Variants in CALD1 observed in about 807,000 individuals in gnomAD.
The protein encoded by CALD1 is caldesmon 1, also known as caldesmon.
In CALD1, 33 loss-of-function variants were observed where a neutral mutation model predicts 99.9. The observed-to-expected ratio is 0.33, with a 90% CI of 0.25 to 0.44. The LOEUF (loss-of-function observed/expected upper bound fraction) is 0.44, where lower values mean the gene tolerates loss of function less well. CALD1 is among the 20% of genes least tolerant of loss of function. The pLI, the probability that CALD1 is intolerant of heterozygous loss-of-function variation, is 1.00. For missense variants in CALD1, 861 were observed against 962.1 expected (o/e 0.89, Z 1.39); for synonymous variants, 310 against 325.0 (o/e 0.95, Z 0.50).
intron 4 of CALD1, among the ~76,000 whole-genome samples, chr7:134,929,614 A>G (rs963904047): frequency 1.4e-4 from 3 of 21,890 alleles, no homozygotes; most frequent in African/African-American, 3.2e-4. Flanking sequence ...TGGTGTGTGT[A>G]TATATACGTG....
At chr7:134,839,300 C>A (rs905546665) in intron 1 of CALD1, among the ~76,000 whole-genome samples, 1 of 152,168 alleles carries the variant, frequency 6.6e-6, no homozygotes, top group African/African-American at 2.4e-5. Context: ...CACAATTTAT[C>A]CATTTTGCTG....
In CALD1 at chr7:134,933,674, C is replaced by T. The variant is rs969359460; in HGVS notation, c.905C>T (p.Ala302Val). ...RARIEAEEKA[A>V]AQERERREAE... is the part of the protein sequence containing the mutation. The stretch of plus-strand genomic sequence containing the variant: ...AGAATTGAAGCAGAAGAAAAAGCAG[C>T]TGCCCAAGAAAGAGAAAGGAGAGAG... Residue 302 changes from alanine to valine, a missense_variant, in exon 5 of 15, where the codon GCT (alanine) becomes GTT (valine). Ala to Val is a moderately conservative substitution (Grantham distance 64). Around this residue, in one of 5 missense-constraint regions of CALD1, gnomAD observed 234 missense variants for 233.1 expected, o/e 1.00. Transcript: ENST00000361675. The T allele has an allele frequency of 6.3e-7, 1 of 1,595,164 alleles. No homozygotes were observed. Among genetic ancestry groups the T allele is most frequent in the Admixed American group, 1.8e-5 (1 of 56,742 alleles).
At chr7:134,815,908 A>G (rs867385757) in intron 1 of CALD1, among the ~76,000 whole-genome samples, 5 of 152,346 alleles carry the variant, frequency 3.3e-5, no homozygotes, top group African/African-American at 7.2e-5. Flanking sequence ...TCGAACTGGC[A>G]TATATCCCCT....
At chr7:134,836,257 T>C (rs1239360991) in intron 1 of CALD1, among the ~76,000 whole-genome samples, 3 of 152,148 alleles carry the variant, frequency 2.0e-5, no homozygotes, top group East Asian at 1.9e-4. Context: ...ATCTTCATAG[T>C]TGCTTCTGTT....
chr7:134,888,962 G>T (rs941399265), intron 3 of CALD1, among the ~76,000 whole-genome samples: 1 of 149,574 alleles, frequency 6.7e-6, no homozygotes, highest in African/African-American at 2.5e-5. Context: ...GAGAATACTG[G>T]CCAGAAAGAA....
chr7:134,805,608 G>A (rs1798105993), intron 1 of CALD1, among the ~76,000 whole-genome samples: 1 of 152,054 alleles, frequency 6.6e-6, no homozygotes, highest in South Asian at 2.1e-4. Context: ...TCAGAATCCT[G>A]GTGATCCTTG....
intron 2 of CALD1, among the ~76,000 whole-genome samples, chr7:134,859,530 T>G (rs1359990691): frequency 4.6e-5 from 7 of 152,184 alleles, no homozygotes; most frequent in Non-Finnish European, 7.3e-5. Flanking sequence ...GTCCCAAATT[T>G]TCACTTCTCT....
intron 3 of CALD1, among the ~76,000 whole-genome samples, chr7:134,912,462 C>T (rs1046839205): frequency 3.3e-5 from 5 of 152,172 alleles, no homozygotes; most frequent in African/African-American, 7.2e-5. Flanking sequence ...CACTTACACA[C>T]GGAGAGGACA....
At chr7:134,966,563 G>A (rs1808695828) in intron 14 of CALD1, among the ~76,000 whole-genome samples, 1 of 152,138 alleles carries the variant, frequency 6.6e-6, no homozygotes, top group Non-Finnish European at 1.5e-5. Flanking sequence ...TTTTGCAGCT[G>A]AGAAAAATGA....
chr7:134,903,558 T>C (rs548624311), intron 3 of CALD1, among the ~76,000 whole-genome samples: 1 of 152,172 alleles, frequency 6.6e-6, no homozygotes, highest in Admixed American at 6.5e-5. Flanking sequence ...TCACTTCTGG[T>C]GGTTTGGCAG....
intron 1 of CALD1, among the ~76,000 whole-genome samples, chr7:134,821,544 T>C (rs927730774): frequency 3.9e-5 from 6 of 151,972 alleles, no homozygotes; most frequent in Admixed American, 1.3e-4. Flanking sequence ...TAATGTTCTT[T>C]ATACTTTTTT....
chr7:134,769,340 C>T (rs373739859), intron 1 of CALD1, among the ~76,000 whole-genome samples: 58 of 152,242 alleles, frequency 3.8e-4, no homozygotes, highest in African/African-American at 1.3e-3. Flanking sequence ...AATCACTCAA[C>T]AAAGTGAATG....
intron 14 of CALD1, 25 bp from the exon 15 acceptor site, chr7:134,968,315 A>G (rs776449442): frequency 7.4e-6 from 12 of 1,613,080 alleles, no homozygotes; most frequent in South Asian, 1.1e-5. Context: ...CAGGCTGTCA[A>G]TTTCAAGTTC....
chr7:134,727,302 C>T, the CALD1 span, among the ~76,000 whole-genome samples: 2 of 152,216 alleles, frequency 1.3e-5, no homozygotes, highest in Non-Finnish European at 2.9e-5. Flanking sequence ...AACAGGCGAT[C>T]GTAGCACATG....
At chr7:134,743,156 T>C (rs191169516), upstream of CALD1, among the ~76,000 whole-genome samples, 48 of 152,336 alleles carry the variant, frequency 3.2e-4, no homozygotes, top group African/African-American at 1.2e-3. Flanking sequence ...TAAGTGCAGT[T>C]GGCGGAAACT....
intron 1 of CALD1, among the ~76,000 whole-genome samples, chr7:134,832,064 A>T (rs1384441896): frequency 6.6e-6 from 1 of 152,260 alleles, no homozygotes; most frequent in Non-Finnish European, 1.5e-5. Context: ...GCATGCGCAC[A>T]GCCCTTCTTA....
chr7:134,856,396 G>C (rs988999367), intron 2 of CALD1, among the ~76,000 whole-genome samples: 1 of 152,186 alleles, frequency 6.6e-6, no homozygotes, highest in African/African-American at 2.4e-5. Context: ...GGCCTGGGAA[G>C]GGTAGGTTCC....
the CALD1 span, among the ~76,000 whole-genome samples, chr7:134,734,014 C>A: frequency 6.6e-6 from 1 of 151,068 alleles, no homozygotes; most frequent in South Asian, 2.1e-4. Context: ...TTATATTAAC[C>A]CATTACATTA....
At chr7:134,844,429 C>T (rs552287622) in intron 2 of CALD1, 1 of 152,136 alleles carries the variant, frequency 6.6e-6, no homozygotes, top group Non-Finnish European at 1.5e-5. Context: ...GGGAGGAAAA[C>T]TTCTACCAGA....
Sources: gnomAD v4.1 joint callset for allele counts (sites outside exome capture counted in the v4.1 genomes callset) on GRCh38, gnomAD v4.1.1 for gene constraint, gnomAD v4.1.1 regional missense constraint, MANE v1.5 for transcripts, NCBI Gene and HGNC (gene_info 2026-07-23, HGNC 2026-07-21) for gene names.